Variants in AKR1B1 observed in about 807,000 individuals in gnomAD.
The protein encoded by AKR1B1 is aldo-keto reductase family 1 member B, also known as aldo-keto reductase family 1 member B1.
Under a neutral mutation model 40.4 loss-of-function variants are expected in AKR1B1, and 22 were observed. The ratio of observed to expected loss-of-function variants is 0.54; its 90% CI spans 0.39 to 0.78. The LOEUF (loss-of-function observed/expected upper bound fraction) is 0.78. Among genes scored for constraint, AKR1B1 ranks in the 30% least tolerant of loss-of-function variants. AKR1B1 has a pLI of 0.00. For synonymous variants in AKR1B1, 157 were observed against 149.9 expected (o/e 1.05, Z -0.35); for missense variants, 357 against 396.7 (o/e 0.90, Z 0.85).
In AKR1B1 at chr7:134,458,973, G is replaced by A. The variant is rs1214671314; in HGVS notation, c.66+24C>T. ...GCGGAGAGTGTGAGGCGAGCCCCGG[G>A]CCCGCGCCCCCACGAGCACCTACCT... On this transcript the variant is annotated intron_variant, in intron 1 of 9. Transcript: ENST00000285930. 6 of 1,598,246 alleles carry A rather than the reference G, an allele frequency of 3.8e-6. No homozygotes were observed. The Admixed American group carries it at 5.2e-5, about 14-fold the overall frequency.
chr7:134,442,998 A>AC (rs1273259900), intron 9 of AKR1B1, among the ~76,000 whole-genome samples: 1 of 151,786 alleles, frequency 6.6e-6, no homozygotes, highest in Non-Finnish European at 1.5e-5. Context: ...GAGGGACACC[A>AC]CCCTCCCCAT....
At chr7:134,450,621 T>C (rs761211097) in intron 3 of AKR1B1, among the ~76,000 whole-genome samples, 165 bp downstream of exon 3, 5 of 152,206 alleles carry the variant, frequency 3.3e-5, no homozygotes, top group Non-Finnish European at 5.9e-5. Context: ...GAGACTGTGA[T>C]TTCTAAGACG....
At position 134,449,132 on chromosome 7, in the gene AKR1B1, G is replaced by T; in HGVS notation, c.430-13C>A. The T allele has an allele frequency of 6.2e-7, 1 of 1,613,066 alleles. No individual in the cohort carries two copies. The highest frequency in any genetic ancestry group is 1.1e-5 in the South Asian group (1 of 91,032). ...GCTCTTCCATGGCCTACAGAGAAAA[G>T]TGTCTGTGTGGTGCAGAAACGAACC... On this transcript the variant is annotated splice_polypyrimidine_tract_variant and intron_variant, in intron 4 of 9. Transcript: ENST00000285930.
At position 134,448,985 on chromosome 7, in the gene AKR1B1, G is replaced by A; in HGVS notation, c.552+12C>T. 6.2e-7 allele frequency: 1 copy of A among 1,613,996 alleles called. No homozygotes were observed. The highest frequency in any genetic ancestry group is 8.5e-7 in the Non-Finnish European group (1 of 1,179,954). ...CAACGTTGCAATGCCAGTGTCGTTGGGGGATGTTTACCTGGTTAACTGCAG... is the reference window on the plus strand; with the variant it reads ...CAACGTTGCAATGCCAGTGTCGTTGAGGGATGTTTACCTGGTTAACTGCAG... On this transcript the variant is annotated intron_variant, in intron 5 of 9. Transcript: ENST00000285930.
In AKR1B1 at chr7:134,451,613, C is replaced by A. The variant is rs749268678; in HGVS notation, c.207G>T (p.Lys69Asn). Reference protein sequence around the residue: ...IQEKLREQVVKREELFIVSKL... With the variant: ...IQEKLREQVVNREELFIVSKL... ...TGCTGACGATGAAGAGCTCCTCACG[C>A]TTCACCACCTGCTCCCTGAGCTTCT... is the stretch of plus-strand genomic sequence containing the variant. The change falls in exon 2 of 10, where the codon AAG becomes AAT. Residue 69 changes from lysine to asparagine, a missense_variant. Transcript: ENST00000285930. 3 of 1,614,178 alleles carry A rather than the reference C, an allele frequency of 1.9e-6. No individual in the cohort carries two copies. The East Asian group carries it at 6.7e-5, about 36-fold the overall frequency.
intron 1 of AKR1B1, among the ~76,000 whole-genome samples, chr7:134,452,189 C>T (rs943360565): frequency 6.6e-6 from 1 of 152,230 alleles, no homozygotes; most frequent in Non-Finnish European, 1.5e-5. Flanking sequence ...CTCCCCAGTT[C>T]AGCCAGTGAA....
rs201635826 is a variant in AKR1B1, at chr7:134,448,416, G to A, written c.630C>T (p.Tyr210=). ...CQSKGIVVTA[Y]SPLGSPDRPW... ...GCCTGTCAGGAGAGCCGAGGGGGCT[G>A]TAGGCGGTCACCACGATGCCTTTGG... Residue 210 remains tyrosine (Y), a synonymous_variant, in exon 6 of 10, where the codon TAC becomes TAT. Transcript: ENST00000285930. 3.5e-5 allele frequency: 56 copies of A among 1,613,890 alleles called. 1 individual carries two copies. Among genetic ancestry groups the A allele is most frequent in the Non-Finnish European group, 4.5e-5 (53 of 1,179,842 alleles).
intron 1 of AKR1B1, among the ~76,000 whole-genome samples, chr7:134,453,934 G>A (rs1806381381): frequency 6.6e-6 from 1 of 152,088 alleles, no homozygotes; most frequent in African/African-American, 2.4e-5. Context: ...CACTAAACTT[G>A]GGAATGCCAA....
chr7:134,445,314 C>G lies in AKR1B1; in HGVS notation c.832G>C (p.Asp278His), dbSNP rs768419190. Residue 278 changes from aspartate to histidine, a missense_variant, in exon 9 of 10, where the codon GAC becomes CAC. Asp to His is a moderately conservative substitution (Grantham distance 81). Coordinates refer to ENST00000285930, the MANE Select transcript of AKR1B1 (RefSeq NM_001628.4). ...ERIAENFKVFDFELSSQDMTT... is the reference protein window; with the variant it reads ...ERIAENFKVFHFELSSQDMTT... ...ATATCCTGGCTGCTCAGTTCAAAGT[C>G]AAAGACCTAAAAAACAAACAAAAAA... 5 of 1,612,306 alleles carry G rather than the reference C, an allele frequency of 3.1e-6. No individual in the cohort carries two copies. The South Asian group carries it at 4.4e-5, about 14-fold the overall frequency.
At chr7:134,451,469 G>A (rs910757303) in intron 2 of AKR1B1, 117 bp downstream of exon 2, 1 of 1,312,352 alleles carries the variant, frequency 7.6e-7, no homozygotes, top group African/African-American at 1.5e-5. Flanking sequence ...GTTTCCCCGG[G>A]AAGAATCGCC....
upstream of AKR1B1, chr7:134,459,136 T>G: frequency 6.5e-7 from 1 of 1,530,056 alleles, no homozygotes; most frequent in Non-Finnish European, 8.9e-7. Context: ...AAATAGCCCG[T>G]GAGGTCGGCA....
rs903940862 is a variant in AKR1B1, at chr7:134,449,495, G to A, written c.429+225C>T. 1.2e-5 allele frequency: 7 copies of A among 589,686 alleles called. No homozygotes were observed. The Admixed American group carries it at 2.1e-4, about 17-fold the overall frequency. The allele number at this position is 589,686 out of a possible 1,614,324, so 36.5% of individuals were successfully genotyped here. ...CCAGCTACTCAGGAGGCTGAGGCAG[G>A]AGAATGGCGTGAACCCAGGAGGTGG... On this transcript the variant is annotated intron_variant, in intron 4 of 9. Coordinates refer to ENST00000285930, the MANE Select transcript of AKR1B1 (RefSeq NM_001628.4).
chr7:134,447,250 T>A, intron 8 of AKR1B1, 48 bp downstream of exon 8: 1 of 1,484,172 alleles, frequency 6.7e-7, no homozygotes, highest in Non-Finnish European at 9.4e-7. Flanking sequence ...GCCTCCCCCA[T>A]CCCCCACTCC....
Position 134,448,030 on chromosome 7 carries a change from C to T in AKR1B1, c.691G>A (p.Asp231Asn), listed in dbSNP as rs1222473564. 3 of 1,613,270 alleles carry T rather than the reference C, an allele frequency of 1.9e-6. No homozygotes were observed. The highest frequency in any genetic ancestry group is 2.5e-6 in the Non-Finnish European group (3 of 1,179,862). Residue 231 changes from aspartate (D) to asparagine (N), a missense_variant, in exon 7 of 10, where the codon GAT becomes AAT. Coordinates refer to ENST00000285930, the MANE Select transcript of AKR1B1 (RefSeq NM_001628.4). The stretch of plus-strand genomic sequence containing the variant: ...GCTGCGATCGCCTTGATCCTGGGAT[C>T]CTCCAGGAGAGAAGGGTCCTCGGGC... ...AKPEDPSLLE[D>N]PRIKAIAAKH...
rs751574079 is a variant in AKR1B1 at position 134,451,745 on chromosome 7, T to C, written c.75A>G (p.Pro25=). The change falls in exon 2 of 10, where the codon CCA becomes CCG. Residue 25 remains proline, a synonymous_variant. Transcript: ENST00000285930. The stretch of plus-strand genomic sequence containing the variant: ...CCTTCACGGCCTCAGTCACCTGCCC[T>C]GGAGGGGACTGAAAGGAGAAAGAAC... ...ILGLGTWKSP[P]GQVTEAVKVA... 3 of 1,614,012 alleles carry C rather than the reference T, an allele frequency of 1.9e-6. No individual in the cohort carries two copies. Among genetic ancestry groups the C allele is most frequent in the Non-Finnish European group, 2.5e-6 (3 of 1,179,986 alleles).
intron 4 of AKR1B1, 68 bp downstream of exon 4, chr7:134,449,652 G>T (rs913816864): frequency 1.4e-5 from 17 of 1,202,614 alleles, no homozygotes; most frequent in Middle Eastern, 1.9e-4. Flanking sequence ...AGAAATGGCA[G>T]GCAGATTGCT....
intron 1 of AKR1B1, among the ~76,000 whole-genome samples, chr7:134,457,396 A>G (rs1806503468): frequency 6.6e-6 from 1 of 152,154 alleles, no homozygotes; most frequent in Non-Finnish European, 1.5e-5. Context: ...CCATTCCAAG[A>G]GCATAACATG....
chr7:134,452,102 G>C (rs767928500), intron 1 of AKR1B1, among the ~76,000 whole-genome samples: 12 of 152,216 alleles, frequency 7.9e-5, no homozygotes, highest in Non-Finnish European at 1.2e-4. Context: ...TGCTGAGATA[G>C]TAAGGGAAAC....
rs1806227468 is a variant in AKR1B1 at position 134,449,696 on chromosome 7, A to G, written c.429+24T>C. 5 of 1,600,294 alleles carry G rather than the reference A, an allele frequency of 3.1e-6. No homozygotes were observed. The East Asian group carries it at 8.9e-5, about 29-fold the overall frequency. ...GAAGAGGGAACCAGTCACGAAAACA[A>G]GGTCCAACCAGGGGCTGTCTTACCG... On this transcript the variant is annotated intron_variant, in intron 4 of 9. Coordinates refer to ENST00000285930, the MANE Select transcript of AKR1B1 (RefSeq NM_001628.4).
Sources: allele counts gnomAD v4.1 joint callset (sites outside exome capture counted in the v4.1 genomes callset), GRCh38; gene constraint gnomAD v4.1.1; transcripts MANE v1.5; gene names NCBI Gene and HGNC (gene_info 2026-07-23, HGNC 2026-07-21).